The following TTC28 variants were observed in gnomAD, a reference collection of about 807,000 sequenced individuals.
TTC28 encodes tetratricopeptide repeat protein 28.
Under a neutral mutation model 198.0 loss-of-function variants are expected in TTC28, and 61 were observed. That is an observed-to-expected ratio of 0.31 (90% confidence interval 0.25 to 0.38). The LOEUF (loss-of-function observed/expected upper bound fraction) is 0.38, where lower values mean the gene tolerates loss of function less well. Among genes scored for constraint, TTC28 ranks in the 10% least tolerant of loss-of-function variants. TTC28 has a pLI of 1.00. For missense variants in TTC28, 2,678 were observed against 3,164.0 expected (o/e 0.85, Z 3.69); for synonymous variants, 1,171 against 1,297.8 (o/e 0.90, Z 2.10).
intron 2 of TTC28, among the ~76,000 whole-genome samples, chr22:28,456,112 T>C (rs1310638756): frequency 6.6e-6 from 1 of 151,020 alleles, no homozygotes; most frequent in Non-Finnish European, 1.5e-5. Context: ...TGAGCCGAGA[T>C]TGCACCACTA....
intron 2 of TTC28, among the ~76,000 whole-genome samples, chr22:28,509,986 T>C (rs946735639): frequency 2.0e-5 from 3 of 151,992 alleles, no homozygotes; most frequent in Non-Finnish European, 2.9e-5. Flanking sequence ...CAGGAAGAAA[T>C]TGGATCCCTG....
chr22:28,126,546 A>T (rs1942917457), intron 6 of TTC28, among the ~76,000 whole-genome samples: 1 of 152,144 alleles, frequency 6.6e-6, no homozygotes, highest in African/African-American at 2.4e-5. Context: ...AATCCCCACT[A>T]TGTTGATTTA....
rs1569284465 is a variant in TTC28, at chr22:28,364,499, TAG to T, written c.382-57858_382-57857del. ...TTTGTGAGGTTATAGTTGCCATAGATAGTGATTCCTCTGAAGGCTATGGACAA... is the reference window on the plus strand; with the variant it reads ...TTTGTGAGGTTATAGTTGCCATAGATTGATTCCTCTGAAGGCTATGGACAA... On this transcript the variant is annotated intron_variant, in intron 2 of 22. Coordinates refer to ENST00000397906, the MANE Select transcript of TTC28 (RefSeq NM_001145418.2). Among the ~76,000 whole-genome samples the T allele has an allele frequency of 2.0e-5, 3 of 152,200 alleles. No homozygotes were observed. In the East Asian group the frequency reaches 5.8e-4, roughly 29 times the overall value.
Position 28,679,694 on chromosome 22 carries a change from C to T in TTC28, c.30G>A (p.Glu10=). 4 of 1,293,936 alleles carry T rather than the reference C, an allele frequency of 3.1e-6. No individual in the cohort carries two copies. The highest frequency in any genetic ancestry group is 3.9e-6 in the Non-Finnish European group (4 of 1,022,652). The allele number at this position is 1,293,936 out of a possible 1,614,324, so 80.2% of individuals were successfully genotyped here. A position where few individuals can be genotyped will look rare whatever the true frequency, so the allele number is the denominator to read the frequency against. Residue 10 remains glutamate, a synonymous_variant, in exon 1 of 23, where the codon GAG becomes GAA. Transcript: ENST00000397906. ...TTGCGGGGGTCGGCCCTTGGGTCGG[C>T]TCGGGCGCCGGCGGCGGCGACTGCT... MEQSPPPAP[E]PTQGPTPARS...
intron 2 of TTC28, among the ~76,000 whole-genome samples, chr22:28,551,467 T>C (rs2049670543): frequency 6.6e-6 from 1 of 152,072 alleles, no homozygotes; most frequent in Admixed American, 6.6e-5. Context: ...TGAAAATAGA[T>C]GCAAAAATCC....
chr22:28,090,669 G>A (rs1031718558), intron 12 of TTC28, among the ~76,000 whole-genome samples: 2 of 152,106 alleles, frequency 1.3e-5, no homozygotes, highest in African/African-American at 4.8e-5. Flanking sequence ...ATATGAGCCT[G>A]CTCATTCACT....
intron 2 of TTC28, among the ~76,000 whole-genome samples, chr22:28,312,775 G>A (rs990354734): frequency 3.3e-5 from 5 of 152,076 alleles, no homozygotes; most frequent in Non-Finnish European, 5.9e-5. Context: ...ATCTAAAATC[G>A]ATACCCTAAC....
In TTC28 at chr22:28,436,859, C is replaced by T. The variant is rs76851665; in HGVS notation, c.382-130216G>A. On this transcript the variant is annotated intron_variant, in intron 2 of 22. Coordinates refer to ENST00000397906, the MANE Select transcript of TTC28 (RefSeq NM_001145418.2). ...GTCCATCCTCTCCATCATGCTACAACCTATACTACAGTCTTCTTTTTCATC... is the reference window on the plus strand; with the variant it reads ...GTCCATCCTCTCCATCATGCTACAATCTATACTACAGTCTTCTTTTTCATC... 5.9e-3 allele frequency among the ~76,000 whole-genome samples: 900 copies of T among 152,310 alleles called. 6 individuals are homozygous for T. The highest frequency in any genetic ancestry group is 9.8e-3 in the Non-Finnish European group (665 of 68,028).
chr22:28,588,994 G>A (rs2146082765), intron 2 of TTC28, among the ~76,000 whole-genome samples: 1 of 152,252 alleles, frequency 6.6e-6, no homozygotes, highest in East Asian at 1.9e-4. Context: ...ACCTTTCACT[G>A]AGTATCATAC....
At chr22:28,510,722 G>C (rs981872259) in intron 2 of TTC28, among the ~76,000 whole-genome samples, 2 of 152,034 alleles carry the variant, frequency 1.3e-5, no homozygotes, top group African/African-American at 4.8e-5. Flanking sequence ...AATTATCTTC[G>C]TTTGCAGATG....
At chr22:27,988,771 G>A (rs1164452676) in intron 21 of TTC28, among the ~76,000 whole-genome samples, 4 of 151,344 alleles carry the variant, frequency 2.6e-5, no homozygotes, top group East Asian at 2.0e-4. Flanking sequence ...CGACCCCTCC[G>A]TGGCTGTTCC....
chr22:28,202,828 A>G (rs975414606), intron 5 of TTC28, among the ~76,000 whole-genome samples: 3 of 152,160 alleles, frequency 2.0e-5, no homozygotes, highest in African/African-American at 7.2e-5. Flanking sequence ...ATAACATAAA[A>G]TACCCATAAC....
At chr22:28,001,692 C>T (rs1937701298) in intron 14 of TTC28, 139 bp from the exon 15 acceptor site, 3 of 1,020,184 alleles carry the variant, frequency 2.9e-6, no homozygotes, top group African/African-American at 3.2e-5. Flanking sequence ...CGCCATGGGG[C>T]ATGGGCCGAG....
chr22:28,088,536 G>T (rs1056134823), intron 12 of TTC28, among the ~76,000 whole-genome samples: 4 of 151,144 alleles, frequency 2.6e-5, no homozygotes, highest in Non-Finnish European at 4.4e-5. Context: ...AGACTTAAAC[G>T]TTAGACCTAA....
intron 2 of TTC28, among the ~76,000 whole-genome samples, chr22:28,486,991 CCTT>C (rs2146334893): frequency 6.6e-6 from 1 of 152,206 alleles, no homozygotes; most frequent in African/African-American, 2.4e-5. Context: ...CAGTGCGAGA[CCTT>C]CTGATGCCAA....
intron 14 of TTC28, among the ~76,000 whole-genome samples, chr22:28,013,383 T>G (rs1938233613): frequency 6.6e-6 from 1 of 152,234 alleles, no homozygotes; most frequent in Non-Finnish European, 1.5e-5. Flanking sequence ...GCGAAGATCC[T>G]GAGCCCTCCA....
chr22:28,563,306 C>T (rs905044133), intron 2 of TTC28, among the ~76,000 whole-genome samples: 12 of 152,014 alleles, frequency 7.9e-5, no homozygotes, highest in Non-Finnish European at 1.6e-4. Context: ...CTAAAGATAA[C>T]CTGATTGACT....
rs1424573875 is a variant in TTC28, at chr22:28,354,412, TA to T, written c.382-47770del. On this transcript the variant is annotated intron_variant, in intron 2 of 22. Coordinates refer to ENST00000397906, the MANE Select transcript of TTC28 (RefSeq NM_001145418.2). ...CTTGAAAACATTATGCTAAGTAAAA[TA>T]AACCAGATACAAAAGGACAAATATT... Among the ~76,000 whole-genome samples, 15 of 152,130 alleles carry T rather than the reference TA, an allele frequency of 9.9e-5. No homozygotes were observed. The South Asian group carries it at 3.1e-3, about 32-fold the overall frequency.
At chr22:28,100,662 A>G (rs1342445265) in intron 9 of TTC28, among the ~76,000 whole-genome samples, 1 of 152,178 alleles carries the variant, frequency 6.6e-6, no homozygotes, top group Non-Finnish European at 1.5e-5. Flanking sequence ...TATCTGGATG[A>G]GTGCGTGATC....
Sources: allele counts gnomAD v4.1 joint callset (sites outside exome capture counted in the v4.1 genomes callset), GRCh38; gene constraint gnomAD v4.1.1; transcripts MANE v1.5; gene names NCBI Gene and HGNC (gene_info 2026-07-23, HGNC 2026-07-21).